DST: variants seen among roughly 807,000 people sequenced by gnomAD.
The protein encoded by DST is bullous pemphigoid antigen.
Under a neutral mutation model 875.2 loss-of-function variants are expected in DST, and 253 were observed. The observed-to-expected ratio is 0.29, with a 90% CI of 0.26 to 0.32. The LOEUF (loss-of-function observed/expected upper bound fraction) is 0.32, where lower values mean the gene tolerates loss of function less well. Among genes scored for constraint, DST ranks in the 10% least tolerant of loss-of-function variants. DST has a pLI of 1.00. For missense variants in DST, 8,287 were observed against 9,111.6 expected, an observed-to-expected ratio of 0.91 and a Z score of 3.68; for synonymous variants, 3,124 against 3,197.1, an observed-to-expected ratio of 0.98 and a Z score of 0.77.
intron 3 of DST, among the ~76,000 whole-genome samples, chr6:56,856,591 A>G (rs755065791): frequency 3.9e-5 from 6 of 152,228 alleles, no homozygotes; most frequent in Non-Finnish European, 5.9e-5. Flanking sequence ...GACATGAAAC[A>G]TACACACTCA....
intron 4 of DST, among the ~76,000 whole-genome samples, chr6:56,790,240 T>TA (rs2099716232): frequency 6.6e-6 from 1 of 152,186 alleles, no homozygotes; most frequent in Non-Finnish European, 1.5e-5. Flanking sequence ...TTCTCATTTA[T>TA]ATAGTTACTA....
chr6:56,631,264 C>A lies in DST; in HGVS notation c.4089G>T (p.Val1363=). 1.2e-6 allele frequency: 2 copies of A among 1,613,674 alleles called. No homozygotes were observed. The highest frequency in any genetic ancestry group is 2.2e-5 in the East Asian group (1 of 44,858). The change falls in exon 30 of 104, where the codon GTG becomes GTT. Residue 1363 remains valine (V), a synonymous_variant. Transcript: ENST00000680361. The stretch of plus-strand genomic sequence containing the variant: ...AGACTTGGTTCATGTTCTGAAGGAC[C>A]ACATTAAGCTCTGATCGTAGGGTAG... ...SVPTLRSELN[V]VLQNMNQVYS...
intron 3 of DST, among the ~76,000 whole-genome samples, chr6:56,875,962 C>T (rs1779461216): frequency 6.6e-6 from 1 of 152,160 alleles, no homozygotes; most frequent in Admixed American, 6.5e-5. Flanking sequence ...GCTCTAACTC[C>T]TCACGAAAGT....
rs561016807 is a variant in DST at position 56,614,672 on chromosome 6, G to A, written c.4930-188C>T. On this transcript the variant is annotated intron_variant, in intron 36 of 103. Transcript: ENST00000680361. ...GCAGATGCACCTCCAAAATGTTTAT[G>A]GTAGCAAAGAAAGCTATGGCATACA... 1.7e-5 allele frequency: 21 copies of A among 1,219,718 alleles called. No individual in the cohort carries two copies. In the South Asian group the frequency reaches 6.2e-4, roughly 36 times the overall value. The allele number at this position is 1,219,718 out of a possible 1,614,324, so 75.6% of individuals were successfully genotyped here.
At chr6:56,893,562 C>CTTTTTTTTTTTTTTTTTTTTTTTTTTTT (rs1282483681) in intron 3 of DST, among the ~76,000 whole-genome samples, 7 of 35,896 alleles carry the variant, frequency 2.0e-4, no homozygotes, top group Non-Finnish European at 3.1e-4. Flanking sequence ...ACTTTTAGTT[C>CTTTTTTTTTTTTTTTTTTTTTTTTTTTT]TTTTTTTTTT....
chr6:56,612,754 T>C (rs1013861125), intron 37 of DST, among the ~76,000 whole-genome samples: 2 of 152,244 alleles, frequency 1.3e-5, no homozygotes, highest in African/African-American at 4.8e-5. Flanking sequence ...TCAGCTGTTC[T>C]TAGACAGTTA....
chr6:56,781,799 C>T (rs999023588), intron 4 of DST, among the ~76,000 whole-genome samples: 18 of 152,128 alleles, frequency 1.2e-4, no homozygotes, highest in Admixed American at 4.6e-4. Flanking sequence ...CTGTCTTGTG[C>T]CAGTTTTCAA....
intron 60 of DST, among the ~76,000 whole-genome samples, chr6:56,554,498 A>C (rs2097372799): frequency 1.3e-5 from 2 of 152,156 alleles, no homozygotes; most frequent in South Asian, 4.1e-4. Context: ...CAAATGATTA[A>C]ACCTTTAAGC....
At chr6:56,514,226 A>C (rs989358213) in intron 72 of DST, among the ~76,000 whole-genome samples, 31 of 152,224 alleles carry the variant, frequency 2.0e-4, no homozygotes, top group Non-Finnish European at 4.4e-4. Context: ...AAATCCATGA[A>C]ACATTTTTCA....
At chr6:56,795,586 ATT>A (rs1446457244) in intron 4 of DST, among the ~76,000 whole-genome samples, 1 of 152,148 alleles carries the variant, frequency 6.6e-6, no homozygotes, top group Non-Finnish European at 1.5e-5. Context: ...ACATCTTAGA[ATT>A]ACCTAGGGAG....
Position 56,834,690 on chromosome 6 carries a change from T to C in DST, c.625+16707A>G, listed in dbSNP as rs116960636. ...CACGCACCTATCTGAAAGGCTAAAA[T>C]ACAAAACAGTGACAATACCAAATGC... On this transcript the variant is annotated intron_variant, in intron 4 of 103. Coordinates refer to ENST00000680361, the MANE Select transcript of DST (RefSeq NM_001374736.1). 1.4e-3 allele frequency among the ~76,000 whole-genome samples: 206 copies of C among 152,166 alleles called. 6 individuals carry two copies. The East Asian group carries it at 0.037, about 27-fold the overall frequency.
intron 3 of DST, among the ~76,000 whole-genome samples, chr6:56,880,198 A>G (rs1781453365): frequency 6.6e-6 from 1 of 152,242 alleles, no homozygotes; most frequent in South Asian, 2.1e-4. Context: ...ATAACTCTTC[A>G]GAAAAATAGT....
At chr6:56,633,212 GTTTTGAGACGGAGTTTCACTCTTTTTTT>G (rs1199917416) in intron 27 of DST, among the ~76,000 whole-genome samples, 175 bp from the exon 28 acceptor site, 91 of 148,308 alleles carry the variant, frequency 6.1e-4, no homozygotes, top group Non-Finnish European at 1.1e-3. Context: ...TTTGTTTTTT[GTTTTGAGACGGAGTTTCACTCTTTTTTT>G]TTTTGAGACG....
chr6:56,842,242 C>T (rs1232757025), intron 4 of DST, among the ~76,000 whole-genome samples: 1 of 152,154 alleles, frequency 6.6e-6, no homozygotes, highest in Non-Finnish European at 1.5e-5. Flanking sequence ...TCACTATTCA[C>T]TATAAATACT....
At chr6:56,602,827 A>G in intron 43 of DST, 55 bp downstream of exon 43, 13 of 1,312,352 alleles carry the variant, frequency 9.9e-6, no homozygotes, top group Non-Finnish European at 1.3e-5. Context: ...CACTTGTTAT[A>G]TATTAAAGTC....
chr6:56,784,554 G>A (rs77239786), intron 4 of DST, among the ~76,000 whole-genome samples: 4 of 152,180 alleles, frequency 2.6e-5, no homozygotes, highest in South Asian at 2.1e-4. Flanking sequence ...CGTAGTTCTC[G>A]AGCCTTGGCT....
chr6:56,747,381 T>C (rs1035082911), intron 4 of DST, among the ~76,000 whole-genome samples: 1 of 152,184 alleles, frequency 6.6e-6, no homozygotes, highest in African/African-American at 2.4e-5. Flanking sequence ...TTCAATCTTA[T>C]TGTTGGCTGG....
chr6:56,580,532 C>T (rs1312322609), intron 49 of DST, among the ~76,000 whole-genome samples: 1 of 151,098 alleles, frequency 6.6e-6, no homozygotes, highest in Non-Finnish European at 1.5e-5. Flanking sequence ...GCCTGGGTGA[C>T]AGAGTGATAT....
chr6:56,541,369 G>A (rs1286596015), intron 61 of DST: 2 of 152,608 alleles, frequency 1.3e-5, no homozygotes, highest in Non-Finnish European at 2.9e-5. Flanking sequence ...TGTGACTGTA[G>A]GGTAAAGTTC....
Sources: gnomAD v4.1 joint callset for allele counts (sites outside exome capture counted in the v4.1 genomes callset) on GRCh38, gnomAD v4.1.1 for gene constraint, MANE v1.5 for transcripts, NCBI Gene and HGNC (gene_info 2026-07-23, HGNC 2026-07-21) for gene names.